MRM1: variants seen among roughly 807,000 people sequenced by gnomAD.
MRM1 encodes the protein mitochondrial rRNA methyltransferase 1, also known as rRNA methyltransferase 1, mitochondrial.
MRM1 carries 24 observed loss-of-function variants against 25.0 expected under a neutral mutation model. The observed-to-expected ratio is 0.96, with a 90% confidence interval of 0.69 to 1.35. MRM1 has a LOEUF of 1.35. Ranked by LOEUF, MRM1 falls within the 40% of genes most tolerant of loss-of-function variation. MRM1 has a pLI of 0.00. For synonymous variants in MRM1, 188 were observed against 199.2 expected (o/e 0.94, Z 0.47); for missense variants, 431 against 464.1 (o/e 0.93, Z 0.65).
chr17:36,630,622 T>C, the MRM1 span, among the ~76,000 whole-genome samples: 5 of 152,142 alleles, frequency 3.3e-5, no homozygotes, highest in Non-Finnish European at 5.9e-5. Flanking sequence ...TACAAATCCC[T>C]GAATGCTAAT....
chr17:36,601,815 C>A lies in MRM1; in HGVS notation c.5C>A (p.Ala2Glu). The A allele has an allele frequency of 6.5e-7, 1 of 1,546,758 alleles. No individual in the cohort carries two copies. Residue 2 changes from alanine to glutamate, a missense_variant, in exon 1 of 5, where the codon GCA becomes GAA. Physicochemically the swap from Ala to Glu is moderately radical, Grantham distance 107. Coordinates refer to ENST00000614766, the MANE Select transcript of MRM1 (RefSeq NM_024864.5). The part of the protein sequence containing the change: M[A>E]LLSTVRGATW... ...GTCCCTGGCGGGAGCTGCGCCATGGCATTGCTCTCGACCGTCCGGGGCGCG... is the reference window on the plus strand; with the variant it reads ...GTCCCTGGCGGGAGCTGCGCCATGGAATTGCTCTCGACCGTCCGGGGCGCG...
At chr17:36,629,554 C>T in the MRM1 span, among the ~76,000 whole-genome samples, 1 of 152,222 alleles carries the variant, frequency 6.6e-6, no homozygotes, top group Admixed American at 6.5e-5. Flanking sequence ...CTCACTGGAC[C>T]TGACACCCCG....
At chr17:36,625,460 TCC>T in the MRM1 span, among the ~76,000 whole-genome samples, 15 of 57,578 alleles carry the variant, frequency 2.6e-4, no homozygotes, top group African/African-American at 7.5e-4. Flanking sequence ...CTCCTCCTCC[TCC>T]TTTTTTTTTT....
Position 36,601,626 on chromosome 17 carries a change from G to C in MRM1, c.-185G>C. 1 of 542,404 alleles carries C rather than the reference G, an allele frequency of 1.8e-6. No homozygotes were observed. The highest frequency in any genetic ancestry group is 3.0e-6 in the Non-Finnish European group (1 of 334,316). The allele number at this position is 542,404 out of a possible 1,614,324, so 33.6% of individuals were successfully genotyped here. Reference sequence around the variant, plus strand: ...CCCACGTGGGAGCCTGGGAGCGGGTGGTCGTAGCTCGGTAGTCCAGTTGTG... The same window carrying C: ...CCCACGTGGGAGCCTGGGAGCGGGTCGTCGTAGCTCGGTAGTCCAGTTGTG... On this transcript the variant is annotated 5_prime_UTR_variant, in exon 1 of 5. Coordinates refer to ENST00000614766, the MANE Select transcript of MRM1 (RefSeq NM_024864.5).
At position 36,602,336 on chromosome 17, in the gene MRM1, A is replaced by G. The variant is rs755659957; in HGVS notation, c.526A>G (p.Thr176Ala). ...AHFLGVDKVI[T>A]SRRNSCPLTP... is the part of the protein sequence containing the mutation. ...CTTCCTCGGAGTGGATAAGGTCATCACCAGCCGGAGAAACAGGCACGGACG... is the reference window on the plus strand; with the variant it reads ...CTTCCTCGGAGTGGATAAGGTCATCGCCAGCCGGAGAAACAGGCACGGACG... Residue 176 changes from threonine to alanine, a missense_variant, in exon 1 of 5, where the codon ACC (threonine) becomes GCC (alanine). Transcript: ENST00000614766. The surrounding 1 kb of genome is among the most constrained non-coding windows in gnomAD (Gnocchi z 4.1). The G allele has an allele frequency of 6.4e-7, 1 of 1,562,292 alleles. No individual in the cohort carries two copies. Among genetic ancestry groups the G allele is most frequent in the South Asian group, 1.2e-5 (1 of 85,562 alleles).
chr17:36,601,727 G>T lies in MRM1; in HGVS notation c.-84G>T. The T allele has an allele frequency of 7.1e-7, 1 of 1,412,098 alleles. No homozygotes were observed. Among genetic ancestry groups the T allele is most frequent in the Non-Finnish European group, 9.4e-7 (1 of 1,059,912 alleles). 87.5% of individuals were successfully genotyped at this position (1,412,098 alleles called of 1,614,324 possible). On this transcript the variant is annotated 5_prime_UTR_variant, in exon 1 of 5. Coordinates refer to ENST00000614766, the MANE Select transcript of MRM1 (RefSeq NM_024864.5). ...GTCGAGTACCCTTCACCTCGGTGTT[G>T]GGAGCCTGGGAGCGAACTGCGGCGC... is the stretch of plus-strand genomic sequence containing the variant.
downstream of MRM1, among the ~76,000 whole-genome samples, chr17:36,613,057 C>T (rs1209729936): frequency 6.6e-6 from 1 of 152,060 alleles, no homozygotes; most frequent in Admixed American, 6.5e-5. Flanking sequence ...GCTCCAAGAT[C>T]CTGAGATGCC....
the MRM1 span, among the ~76,000 whole-genome samples, chr17:36,633,570 G>A: frequency 2.6e-5 from 4 of 151,164 alleles, no homozygotes; most frequent in Non-Finnish European, 5.9e-5. Context: ...CGACAAAGAG[G>A]AGAAGAGGAG....
At chr17:36,605,574 C>T (rs1355991422) in intron 2 of MRM1, among the ~76,000 whole-genome samples, 2 of 151,072 alleles carry the variant, frequency 1.3e-5, no homozygotes, top group Non-Finnish European at 2.9e-5. Context: ...GTGTATACTC[C>T]AGCCTGGACC....
At chr17:36,628,505 G>A in the MRM1 span, among the ~76,000 whole-genome samples, 3 of 152,184 alleles carry the variant, frequency 2.0e-5, no homozygotes, top group East Asian at 5.8e-4. Flanking sequence ...GGGAGTAGAT[G>A]GATATAACCA....
chr17:36,609,309 TA>T (rs893515026), downstream of MRM1, among the ~76,000 whole-genome samples: 2 of 152,170 alleles, frequency 1.3e-5, no homozygotes, highest in Non-Finnish European at 2.9e-5. Flanking sequence ...TGGCATGCTT[TA>T]AAAAACCCAA....
Position 36,602,210 on chromosome 17 carries a change from G to T in MRM1, c.400G>T (p.Ala134Ser), listed in dbSNP as rs1410869599. The change falls in exon 1 of 5, where the codon GCC becomes TCC. Residue 134 changes from alanine (A) to serine (S), a missense_variant. Physicochemically the swap from Ala to Ser is moderately conservative, Grantham distance 99. Transcript: ENST00000614766. This position sits in a 1 kb window ranked among gnomAD's most constrained non-coding sequence, Gnocchi z 4.1. ...SPLRPRPWRE[A>S]GEASPGDDPQ... ...GCTGCGGCCCCGGCCTTGGAGAGAG[G>T]CCGGGGAGGCGAGCCCAGGCGACGA... 2 of 1,610,458 alleles carry T rather than the reference G, an allele frequency of 1.2e-6. No homozygotes were observed. Among genetic ancestry groups the T allele is most frequent in the Non-Finnish European group, 1.7e-6 (2 of 1,177,986 alleles).
At position 36,608,024 on chromosome 17, in the gene MRM1, T is replaced by A. The variant is rs1185711437; in HGVS notation, c.889+6T>A. 6.2e-7 allele frequency: 1 copy of A among 1,613,694 alleles called. No individual in the cohort carries two copies. The highest frequency in any genetic ancestry group is 8.5e-7 in the Non-Finnish European group (1 of 1,179,846). On this transcript the variant is annotated splice_donor_region_variant and intron_variant, in intron 4 of 4. Coordinates refer to ENST00000614766, the MANE Select transcript of MRM1 (RefSeq NM_024864.5). ...GAACGTCTCTGTGGCTGCAGGTGAG[T>A]CTACTCCCCTTTCCCTTTCCTCTAT... is the stretch of plus-strand genomic sequence containing the variant.
chr17:36,602,880 C>T lies in MRM1; in HGVS notation c.636+234C>T, dbSNP rs540057063. The T allele has an allele frequency of 1.2e-5, 11 of 948,124 alleles. No individual in the cohort carries two copies. Among genetic ancestry groups the T allele is most frequent in the Non-Finnish European group, 1.3e-5 (10 of 796,042 alleles). 58.7% of individuals were successfully genotyped at this position (948,124 alleles called of 1,614,324 possible). A position where few individuals can be genotyped will look rare whatever the true frequency, so the allele number is the denominator to read the frequency against. ...CCTGCACCCCTTCCCCAGGTATGCA[C>T]CACTTTGCCTCTTCTGTAAGTCAGC... On this transcript the variant is annotated intron_variant, in intron 2 of 4. Transcript: ENST00000614766. This position sits in a 1 kb window ranked among gnomAD's most constrained non-coding sequence, Gnocchi z 4.1.
At chr17:36,617,517 C>T in the MRM1 span, among the ~76,000 whole-genome samples, 3 of 151,838 alleles carry the variant, frequency 2.0e-5, no homozygotes, top group Admixed American at 1.3e-4. Context: ...CTCAGCCTCC[C>T]GAGTAGCTGG....
At chr17:36,611,246 G>A (rs1357813262), downstream of MRM1, among the ~76,000 whole-genome samples, 2 of 152,210 alleles carry the variant, frequency 1.3e-5, no homozygotes. Flanking sequence ...ATGCCTGAAA[G>A]TTTAGGTGAG....
rs1442453473 is a variant in MRM1 at position 36,602,950 on chromosome 17, T to G, written c.636+304T>G. On this transcript the variant is annotated intron_variant, in intron 2 of 4. Coordinates refer to ENST00000614766, the MANE Select transcript of MRM1 (RefSeq NM_024864.5). The surrounding 1 kb of genome is among the most constrained non-coding windows in gnomAD (Gnocchi z 4.1). ...CTAGGTCGGGCTTCAGTAAATGCAT[T>G]TTGTTCAGCTGTGGGGAGCTGCGTA... The G allele has an allele frequency of 1.0e-6, 1 of 985,294 alleles. No homozygotes were observed. The highest frequency in any genetic ancestry group is 1.2e-6 in the Non-Finnish European group (1 of 829,942). 61.0% of individuals were successfully genotyped at this position (985,294 alleles called of 1,614,324 possible).
the MRM1 span, among the ~76,000 whole-genome samples, chr17:36,629,317 T>A: frequency 5.3e-5 from 8 of 152,226 alleles, no homozygotes; most frequent in Non-Finnish European, 8.8e-5. Context: ...CTGGACACTA[T>A]GTCAGAAGTC....
chr17:36,628,155 G>A, the MRM1 span, among the ~76,000 whole-genome samples: 221 of 152,284 alleles, frequency 1.5e-3, no homozygotes, highest in Non-Finnish European at 2.7e-3. Context: ...GAGAGAAAAT[G>A]TGTATGTATA....
Sources: allele counts gnomAD v4.1 joint callset (sites outside exome capture counted in the v4.1 genomes callset), GRCh38; gene constraint gnomAD v4.1.1; non-coding constraint Gnocchi (gnomAD v3.1); transcripts MANE v1.5; gene names NCBI Gene and HGNC (gene_info 2026-07-23, HGNC 2026-07-21).